The following UNC5C variants were observed in gnomAD, a reference collection of about 807,000 sequenced individuals.
UNC5C encodes the protein netrin receptor UNC5C.
In UNC5C, 47 loss-of-function variants were observed where a neutral mutation model predicts 99.8. The observed-to-expected ratio is 0.47, with a 90% CI of 0.37 to 0.60. The LOEUF (loss-of-function observed/expected upper bound fraction) is 0.60. Among genes scored for constraint, UNC5C ranks in the 20% least tolerant of loss-of-function variants. The pLI is 0.00. For missense variants in UNC5C, 1,062 were observed against 1,165.9 expected (o/e 0.91, Z 1.30); for synonymous variants, 487 against 452.2 (o/e 1.08, Z -0.98).
chr4:95,253,926 T>G (rs930068654), intron 4 of UNC5C, among the ~76,000 whole-genome samples: 2 of 152,216 alleles, frequency 1.3e-5, no homozygotes, highest in African/African-American at 2.4e-5. Context: ...TTCTAACATT[T>G]TGGTCTCTTT....
chr4:95,177,736 C>T (rs1736428261), intron 14 of UNC5C, among the ~76,000 whole-genome samples: 1 of 152,152 alleles, frequency 6.6e-6, no homozygotes, highest in South Asian at 2.1e-4. Flanking sequence ...TGACACTTCT[C>T]TGTCACCCAG....
chr4:95,527,375 C>T (rs1293090588), intron 1 of UNC5C, among the ~76,000 whole-genome samples: 6 of 152,014 alleles, frequency 3.9e-5, no homozygotes, highest in Non-Finnish European at 7.4e-5. Context: ...CTTTAAATCA[C>T]AAAAATATAC....
rs140342455 is a variant in UNC5C, at chr4:95,428,316, A to T, written c.125-92685T>A. Among the ~76,000 whole-genome samples, 402 of 152,246 alleles carry T rather than the reference A, an allele frequency of 2.6e-3. 2 individuals are homozygous for T. The highest frequency in any genetic ancestry group is 0.017 in the Middle Eastern group (5 of 294). ...CTTGTACTTAACTAAAACCTCCCAG[A>T]TCTTTTTCACATGAACTGCTACTGT... On this transcript the variant is annotated intron_variant, in intron 1 of 15. Transcript: ENST00000453304.
At chr4:95,403,483 A>G (rs2149449265) in intron 1 of UNC5C, among the ~76,000 whole-genome samples, 1 of 152,314 alleles carries the variant, frequency 6.6e-6, no homozygotes, top group East Asian at 1.9e-4. Flanking sequence ...AGTCAATAGT[A>G]CTCAATAAAT....
At chr4:95,315,347 G>A (rs1203314439) in intron 2 of UNC5C, among the ~76,000 whole-genome samples, 1 of 152,132 alleles carries the variant, frequency 6.6e-6, no homozygotes, top group Admixed American at 6.5e-5. Context: ...AGCTCTTCCT[G>A]CCTTAGTCAG....
chr4:95,547,340 C>G (rs903237296), intron 1 of UNC5C, among the ~76,000 whole-genome samples: 1 of 152,148 alleles, frequency 6.6e-6, no homozygotes, highest in African/African-American at 2.4e-5. Context: ...ACTTACCTCT[C>G]CACCCAGACC....
At chr4:95,461,918 C>A (rs1458543064) in intron 1 of UNC5C, among the ~76,000 whole-genome samples, 1 of 152,112 alleles carries the variant, frequency 6.6e-6, no homozygotes, top group Non-Finnish European at 1.5e-5. Context: ...CATGTATTTG[C>A]CTGTTTTGAT....
chr4:95,261,087 G>A lies in UNC5C; in HGVS notation c.595-10420C>T, dbSNP rs138439793. On this transcript the variant is annotated intron_variant, in intron 4 of 15. Transcript: ENST00000453304. ...TCCATAAAACCAAGAACCAGGAGGA[G>A]CCAACTACAGTGCTACAGACTTCAG... 1.4e-4 allele frequency among the ~76,000 whole-genome samples: 21 copies of A among 152,264 alleles called. No individual in the cohort carries two copies. The East Asian group carries it at 3.7e-3, about 27-fold the overall frequency.
chr4:95,476,251 C>A (rs1224279394), intron 1 of UNC5C, among the ~76,000 whole-genome samples: 1 of 152,036 alleles, frequency 6.6e-6, no homozygotes, highest in African/African-American at 2.4e-5. Flanking sequence ...GTCATGCTCT[C>A]TCTCTTCAGA....
chr4:95,509,462 T>G (rs961800518), intron 1 of UNC5C, among the ~76,000 whole-genome samples: 5 of 131,670 alleles, frequency 3.8e-5, no homozygotes, highest in South Asian at 4.3e-4. Flanking sequence ...TAAACTAAAA[T>G]AAAGAAAGAT....
intron 12 of UNC5C, among the ~76,000 whole-genome samples, chr4:95,185,857 TA>T (rs1436676161): frequency 1.3e-5 from 2 of 152,218 alleles, no homozygotes; most frequent in Non-Finnish European, 2.9e-5. Flanking sequence ...GGAAGGTTTT[TA>T]AACACCAAAT....
At chr4:95,357,796 A>T (rs1579355147) in intron 1 of UNC5C, among the ~76,000 whole-genome samples, 1 of 152,022 alleles carries the variant, frequency 6.6e-6, no homozygotes, top group African/African-American at 2.4e-5. Flanking sequence ...GTCTCAAAAC[A>T]AAAACAAAAA....
At chr4:95,527,013 T>G (rs1297419919) in intron 1 of UNC5C, among the ~76,000 whole-genome samples, 1 of 152,082 alleles carries the variant, frequency 6.6e-6, no homozygotes, top group African/African-American at 2.4e-5. Context: ...TGATAGCTTT[T>G]TAGGATAAAG....
intron 1 of UNC5C, among the ~76,000 whole-genome samples, chr4:95,515,564 T>C (rs1189877563): frequency 1.3e-5 from 2 of 152,228 alleles, no homozygotes; most frequent in Admixed American, 6.5e-5. Flanking sequence ...ATTGAAAGCA[T>C]GTAAAATTTT....
At chr4:95,394,643 G>C (rs1745457219) in intron 1 of UNC5C, among the ~76,000 whole-genome samples, 1 of 144,914 alleles carries the variant, frequency 6.9e-6, no homozygotes, top group South Asian at 2.2e-4. Context: ...GCTATGAAAA[G>C]GTATTTGCTG....
chr4:95,390,363 G>A (rs1342852978), intron 1 of UNC5C, among the ~76,000 whole-genome samples: 4 of 146,836 alleles, frequency 2.7e-5, no homozygotes, highest in African/African-American at 1.0e-4. Flanking sequence ...AATCTCTACA[G>A]CATTTTCATT....
At chr4:95,367,829 GTGCT>G (rs1744620198) in intron 1 of UNC5C, among the ~76,000 whole-genome samples, 1 of 152,142 alleles carries the variant, frequency 6.6e-6, no homozygotes, top group African/African-American at 2.4e-5. Flanking sequence ...CCCATTGTAG[GTGCT>G]TAAGAAATTC....
At chr4:95,533,744 C>A (rs758697707) in intron 1 of UNC5C, among the ~76,000 whole-genome samples, 85 of 152,116 alleles carry the variant, frequency 5.6e-4, no homozygotes, top group Non-Finnish European at 1.1e-3. Context: ...TTCAATAGAA[C>A]TTCCTAAGAC....
At chr4:95,254,750 T>C (rs1312573145) in intron 4 of UNC5C, among the ~76,000 whole-genome samples, 2 of 152,228 alleles carry the variant, frequency 1.3e-5, no homozygotes, top group African/African-American at 4.8e-5. Flanking sequence ...TTAGTTCCAA[T>C]TATCCTTTCC....
Sources: gnomAD v4.1 joint callset for allele counts (sites outside exome capture counted in the v4.1 genomes callset) on GRCh38, gnomAD v4.1.1 for gene constraint, MANE v1.5 for transcripts, NCBI Gene and HGNC (gene_info 2026-07-23, HGNC 2026-07-21) for gene names.